FGD4: variants seen among roughly 807,000 people sequenced by gnomAD.
FGD4 encodes the protein FYVE, RhoGEF and PH domain containing 4, also known as FYVE, RhoGEF and PH domain-containing protein 4.
FGD4 carries 42 observed loss-of-function variants against 102.0 expected under a neutral mutation model. The observed-to-expected ratio is 0.41, with a 90% CI of 0.32 to 0.53. The LOEUF (loss-of-function observed/expected upper bound fraction) is 0.53, where lower values mean the gene tolerates loss of function less well. FGD4 is among the 20% of genes least tolerant of loss of function. FGD4 has a pLI of 0.21. For synonymous variants in FGD4, 380 were observed against 375.7 expected, an observed-to-expected ratio of 1.01 and a Z score of -0.13; for missense variants, 902 against 1,078.2, an observed-to-expected ratio of 0.84 and a Z score of 2.29.
chr12:32,614,061 T>C (rs1949308224), intron 10 of FGD4, among the ~76,000 whole-genome samples: 1 of 152,150 alleles, frequency 6.6e-6, no homozygotes, highest in African/African-American at 2.4e-5. Flanking sequence ...TTCATCTTTT[T>C]CCTGCCCTAA....
chr12:32,438,268 G>A (rs1942299813), intron 1 of FGD4, among the ~76,000 whole-genome samples: 1 of 152,216 alleles, frequency 6.6e-6, no homozygotes, highest in South Asian at 2.1e-4. Context: ...ATGGTTTGGA[G>A]AGGTATAGCA....
intron 1 of FGD4, among the ~76,000 whole-genome samples, chr12:32,503,048 A>G (rs1565781606): frequency 1.3e-5 from 2 of 152,148 alleles, no homozygotes; most frequent in South Asian, 2.1e-4. Context: ...GATGACTGAC[A>G]TTTTTCTGTG....
At chr12:32,596,845 G>A (rs1306426215) in intron 4 of FGD4, among the ~76,000 whole-genome samples, 1 of 151,602 alleles carries the variant, frequency 6.6e-6, no homozygotes, top group Non-Finnish European at 1.5e-5. Context: ...TGAGGCAGGA[G>A]AATCACTTGA....
chr12:32,584,325 G>T (rs1946837590), intron 4 of FGD4, among the ~76,000 whole-genome samples: 1 of 152,128 alleles, frequency 6.6e-6, no homozygotes, highest in Non-Finnish European at 1.5e-5. Context: ...GCCTTTCCTT[G>T]TTCCTAAATG....
At chr12:32,561,218 C>G (rs1180846593) in intron 1 of FGD4, among the ~76,000 whole-genome samples, 2 of 151,002 alleles carry the variant, frequency 1.3e-5, no homozygotes, top group Non-Finnish European at 2.9e-5. Flanking sequence ...TCCTGAGTAG[C>G]TAGGATTACA....
At chr12:32,541,750 C>CTAATT (rs1942852236) in intron 1 of FGD4, among the ~76,000 whole-genome samples, 1 of 152,092 alleles carries the variant, frequency 6.6e-6, no homozygotes, top group Admixed American at 6.6e-5. Flanking sequence ...TTAGAGTCAC[C>CTAATT]TAATTTGTTA....
chr12:32,598,973 T>G (rs1445030669), intron 5 of FGD4, among the ~76,000 whole-genome samples: 5 of 152,222 alleles, frequency 3.3e-5, no homozygotes, highest in Non-Finnish European at 7.3e-5. Context: ...ATTTGCTATC[T>G]AGCATTATGT....
At chr12:32,590,898 G>A (rs1342010933) in intron 4 of FGD4, among the ~76,000 whole-genome samples, 2 of 152,174 alleles carry the variant, frequency 1.3e-5, no homozygotes, top group African/African-American at 2.4e-5. Flanking sequence ...GAACAAAGAT[G>A]TCTAATACAA....
At chr12:32,614,085 A>G (rs1949309463) in intron 10 of FGD4, among the ~76,000 whole-genome samples, 1 of 152,170 alleles carries the variant, frequency 6.6e-6, no homozygotes, top group Non-Finnish European at 1.5e-5. Context: ...AAGAGGACTG[A>G]CAATGAACAG....
chr12:32,624,376 AATC>A, intron 11 of FGD4, 43 bp from the exon 12 acceptor site: 1 of 1,427,066 alleles, frequency 7.0e-7, no homozygotes, highest in Admixed American at 1.8e-5. Flanking sequence ...ACCCAGTGTG[AATC>A]ATTAATATTA....
chr12:32,537,099 AG>A (rs1353031474), intron 1 of FGD4, among the ~76,000 whole-genome samples: 1 of 151,988 alleles, frequency 6.6e-6, no homozygotes, highest in African/African-American at 2.4e-5. Context: ...TAGTAGAGAC[AG>A]GGTTTCACCG....
intron 1 of FGD4, among the ~76,000 whole-genome samples, chr12:32,521,745 CT>C (rs1164807546): frequency 1.2e-4 from 19 of 152,200 alleles, no homozygotes; most frequent in African/African-American, 4.3e-4. Context: ...AACTCGAATC[CT>C]TACCCATTTG....
At chr12:32,437,145 C>T (rs1015409261) in intron 1 of FGD4, among the ~76,000 whole-genome samples, 15 of 149,372 alleles carry the variant, frequency 1.0e-4, no homozygotes, top group Non-Finnish European at 1.8e-4. Context: ...AAACAAATCA[C>T]ACAGAACATG....
intron 1 of FGD4, among the ~76,000 whole-genome samples, chr12:32,468,346 T>C (rs540199265): frequency 2.0e-5 from 3 of 152,230 alleles, no homozygotes; most frequent in East Asian, 3.9e-4. Context: ...TTCTCAGTGA[T>C]CTCTTACAGC....
Position 32,520,830 on chromosome 12 carries a change from T to G in FGD4, c.167-43307T>G, listed in dbSNP as rs555662811. Among the ~76,000 whole-genome samples, 41 of 152,288 alleles carry G rather than the reference T, an allele frequency of 2.7e-4. No homozygotes were observed. In the South Asian group the frequency reaches 8.1e-3, roughly 30 times the overall value. ...GCGAATATGCATACTAGGGGATGCA[T>G]GCCCAGGATTTATTCTGATAGGGAT... On this transcript the variant is annotated intron_variant, in intron 1 of 16. Coordinates refer to ENST00000534526, the MANE Select transcript of FGD4 (RefSeq NM_001370298.3).
Position 32,645,727 on chromosome 12 carries a change from C to T in FGD4, c.*5194C>T, listed in dbSNP as rs902253882. 1.3e-5 allele frequency: 2 copies of T among 152,208 alleles called. No individual in the cohort carries two copies. The highest frequency in any genetic ancestry group is 2.4e-5 in the African/African-American group (1 of 41,432). 9.4% of individuals were successfully genotyped at this position (152,208 alleles called of 1,614,324 possible). On this transcript the variant is annotated 3_prime_UTR_variant, in exon 17 of 17. Coordinates refer to ENST00000534526, the MANE Select transcript of FGD4 (RefSeq NM_001370298.3). ...AGTGAGCCGAGATTGCACCACTGCA[C>T]TCCGGCCTGGGTGACAGAGCAAGAC...
At chr12:32,434,101 G>T (rs1051416156) in intron 1 of FGD4, among the ~76,000 whole-genome samples, 1 of 151,886 alleles carries the variant, frequency 6.6e-6, no homozygotes, top group Non-Finnish European at 1.5e-5. Flanking sequence ...TGATCCGCCC[G>T]CCTCAGCCTC....
At position 32,544,224 on chromosome 12, in the gene FGD4, G is replaced by C. The variant is rs879074892; in HGVS notation, c.167-19913G>C. On this transcript the variant is annotated intron_variant, in intron 1 of 16. Coordinates refer to ENST00000534526, the MANE Select transcript of FGD4 (RefSeq NM_001370298.3). This position sits in a 1 kb window ranked among gnomAD's most constrained non-coding sequence, Gnocchi z 4.1. ...GTGGATCTCCTGAGGTCAGGATTTC[G>C]AGACCAGCCTGGCCAACATGGTGAA... 2.6e-5 allele frequency among the ~76,000 whole-genome samples: 4 copies of C among 151,786 alleles called. No homozygotes were observed. The highest frequency in any genetic ancestry group is 1.3e-4 in the Admixed American group (2 of 15,224).
chr12:32,624,940 C>T (rs1565920998), intron 12 of FGD4, 36 bp from the exon 13 acceptor site: 2 of 1,554,592 alleles, frequency 1.3e-6, no homozygotes, highest in Non-Finnish European at 1.8e-6. Flanking sequence ...ATATGAGAAA[C>T]TTTAATGTGT....
Sources: gnomAD v4.1 joint callset for allele counts (sites outside exome capture counted in the v4.1 genomes callset) on GRCh38, gnomAD v4.1.1 for gene constraint, Gnocchi (gnomAD v3.1) non-coding constraint, MANE v1.5 for transcripts, NCBI Gene and HGNC (gene_info 2026-07-23, HGNC 2026-07-21) for gene names.